Variants in PARD3B observed in about 807,000 individuals in gnomAD.
PARD3B encodes the protein par-3 family cell polarity regulator beta, also known as partitioning defective 3 homolog B.
PARD3B carries 103 observed loss-of-function variants against 130.2 expected under a neutral mutation model. That is an observed-to-expected ratio of 0.79 (90% CI 0.67 to 0.93). PARD3B has a LOEUF of 0.93. PARD3B is among the 40% of genes least tolerant of loss of function. The probability of loss-of-function intolerance (pLI) is 0.00; values close to 1 mark genes in which losing one functional copy is unlikely to be tolerated. For missense variants in PARD3B, 1,609 were observed against 1,499.2 expected, an observed-to-expected ratio of 1.07 and a Z score of -1.21; for synonymous variants, 583 against 553.2, an observed-to-expected ratio of 1.05 and a Z score of -0.76.
intron 1 of PARD3B, among the ~76,000 whole-genome samples, chr2:204,630,105 T>G (rs1269077738): frequency 6.6e-6 from 1 of 152,200 alleles, no homozygotes; most frequent in Middle Eastern, 3.2e-3. Context: ...ATGATTTGTA[T>G]AGATGATATA....
chr2:205,566,686 C>T (rs1352301879), intron 22 of PARD3B, among the ~76,000 whole-genome samples: 1 of 152,096 alleles, frequency 6.6e-6, no homozygotes, highest in Non-Finnish European at 1.5e-5. Context: ...ATGGCTGATC[C>T]AGGATATTAA....
At chr2:204,807,437 T>C (rs1461020791) in intron 2 of PARD3B, among the ~76,000 whole-genome samples, 1 of 151,304 alleles carries the variant, frequency 6.6e-6, no homozygotes, top group African/African-American at 2.4e-5. Context: ...CACTAGGAGG[T>C]TCCTCAAAAG....
chr2:205,003,635 C>T (rs1459008947), intron 3 of PARD3B, among the ~76,000 whole-genome samples: 1 of 152,218 alleles, frequency 6.6e-6, no homozygotes, highest in African/African-American at 2.4e-5. Context: ...CACGTATCCA[C>T]ATCTAACATA....
chr2:205,227,907 A>G (rs1418002970), intron 15 of PARD3B, among the ~76,000 whole-genome samples: 1 of 152,128 alleles, frequency 6.6e-6, no homozygotes, highest in Non-Finnish European at 1.5e-5. Context: ...CTTATAACCC[A>G]CTATTTTAAA....
chr2:204,957,726 T>C (rs961775901), intron 2 of PARD3B, among the ~76,000 whole-genome samples: 5 of 152,112 alleles, frequency 3.3e-5, no homozygotes, highest in Non-Finnish European at 7.4e-5. Context: ...AATTGTTATT[T>C]AGTTACAAGC....
intron 4 of PARD3B, among the ~76,000 whole-genome samples, chr2:205,077,372 C>T (rs553393625): frequency 6.6e-6 from 1 of 152,246 alleles, no homozygotes; most frequent in African/African-American, 2.4e-5. Context: ...AGTTTCATGG[C>T]TCAAGGCGAA....
chr2:205,521,933 T>G (rs903381872), intron 21 of PARD3B, among the ~76,000 whole-genome samples: 2 of 152,106 alleles, frequency 1.3e-5, no homozygotes, highest in Non-Finnish European at 2.9e-5. Flanking sequence ...TTGATCCTCT[T>G]TCCTGGGTAA....
intron 2 of PARD3B, among the ~76,000 whole-genome samples, chr2:204,804,543 G>A (rs1449257911): frequency 6.6e-6 from 1 of 152,122 alleles, no homozygotes; most frequent in East Asian, 1.9e-4. Flanking sequence ...TATGTTAATA[G>A]CTGGAGACTT....
At chr2:204,839,806 A>G (rs1433239057) in intron 2 of PARD3B, among the ~76,000 whole-genome samples, 1 of 152,168 alleles carries the variant, frequency 6.6e-6, no homozygotes. Context: ...TTTGTTCAAG[A>G]TAATACTTTG....
chr2:205,279,068 C>T (rs917376779), intron 16 of PARD3B, among the ~76,000 whole-genome samples: 1 of 10,516 alleles, frequency 9.5e-5, no homozygotes, highest in Non-Finnish European at 3.2e-4. Context: ...AAGAATCTGT[C>T]TCAAAAAAAA....
At chr2:204,779,576 G>C (rs1279588297) in intron 2 of PARD3B, among the ~76,000 whole-genome samples, 2 of 152,146 alleles carry the variant, frequency 1.3e-5, no homozygotes, top group African/African-American at 4.8e-5. Flanking sequence ...AGAAACTCTA[G>C]AAAACTGAAG....
intron 4 of PARD3B, among the ~76,000 whole-genome samples, chr2:205,094,759 A>G (rs1234864944): frequency 6.6e-6 from 1 of 151,866 alleles, no homozygotes; most frequent in Non-Finnish European, 1.5e-5. Context: ...TTTTATCTCT[A>G]CTCTCTCTGA....
chr2:204,998,621 G>C (rs1012453656), intron 3 of PARD3B, among the ~76,000 whole-genome samples: 9 of 150,476 alleles, frequency 6.0e-5, no homozygotes, highest in African/African-American at 2.2e-4. Flanking sequence ...ATCACTAAAA[G>C]TTTTTGATAT....
chr2:204,923,956 T>G (rs2047781381), intron 2 of PARD3B, among the ~76,000 whole-genome samples: 1 of 152,080 alleles, frequency 6.6e-6, no homozygotes, highest in African/African-American at 2.4e-5. Flanking sequence ...ACTAAGGACA[T>G]GTTACAACTG....
intron 19 of PARD3B, among the ~76,000 whole-genome samples, chr2:205,429,880 T>C (rs2047270805): frequency 6.6e-6 from 1 of 152,146 alleles, no homozygotes; most frequent in African/African-American, 2.4e-5. Context: ...TCCATCTTCT[T>C]CTGTGCTTTT....
intron 18 of PARD3B, among the ~76,000 whole-genome samples, chr2:205,379,196 A>C (rs556731079): frequency 1.3e-5 from 2 of 152,290 alleles, no homozygotes; most frequent in East Asian, 3.9e-4. Flanking sequence ...CAGCTACTTC[A>C]CTACAAATTC....
rs1268565619 is a variant in PARD3B at position 205,160,401 on chromosome 2, C to G, written c.1620+1494C>G. On this transcript the variant is annotated intron_variant, in intron 11 of 22. Coordinates refer to ENST00000406610, the MANE Select transcript of PARD3B (RefSeq NM_001302769.2). This position sits in a 1 kb window ranked among gnomAD's most constrained non-coding sequence, Gnocchi z 4.0. Reference sequence around the variant, plus strand: ...TAGCTGGCGCATGTCCCTCTCATGCCTCGAGCTGTCAGAGGGCCAGCGGCA... The same window carrying G: ...TAGCTGGCGCATGTCCCTCTCATGCGTCGAGCTGTCAGAGGGCCAGCGGCA... Among the ~76,000 whole-genome samples the G allele has an allele frequency of 2.6e-5, 4 of 152,148 alleles. No homozygotes were observed. The highest frequency in any genetic ancestry group is 9.7e-5 in the African/African-American group (4 of 41,402).
intron 1 of PARD3B, among the ~76,000 whole-genome samples, chr2:204,681,979 A>C (rs2036856364): frequency 6.6e-6 from 1 of 152,272 alleles, no homozygotes; most frequent in South Asian, 2.1e-4. Flanking sequence ...TTATATTTTG[A>C]AGGTTTCCCC....
rs2036415410 is a variant in PARD3B, at chr2:204,673,826, A to G, written c.121-12355A>G. Among the ~76,000 whole-genome samples, 1 of 152,268 alleles carries G rather than the reference A, an allele frequency of 6.6e-6. No homozygotes were observed. The highest frequency in any genetic ancestry group is 6.5e-5 in the Admixed American group (1 of 15,300). ...CTAAAATTTAAGCTTTATTCCTTCC[A>G]AGAGCTGGATTTTTATTCTCTTTTT... is the stretch of plus-strand genomic sequence containing the variant. On this transcript the variant is annotated intron_variant, in intron 1 of 22. Transcript: ENST00000406610. The surrounding 1 kb of genome is among the most constrained non-coding windows in gnomAD (Gnocchi z 4.7).
Sources: allele counts gnomAD v4.1 joint callset (sites outside exome capture counted in the v4.1 genomes callset), GRCh38; gene constraint gnomAD v4.1.1; non-coding constraint Gnocchi (gnomAD v3.1); transcripts MANE v1.5; gene names NCBI Gene and HGNC (gene_info 2026-07-23, HGNC 2026-07-21).